The following NUP210 variants were observed in gnomAD, a reference collection of about 807,000 sequenced individuals.
The protein encoded by NUP210 is nucleoporin 210, also known as nuclear pore membrane glycoprotein 210.
A neutral mutation model predicts 196.0 loss-of-function variants in NUP210; 151 were observed. The ratio of observed to expected loss-of-function variants is 0.77; its 90% CI spans 0.67 to 0.88. The LOEUF is 0.88. Ranked by LOEUF, NUP210 falls within the 40% of genes least tolerant of loss-of-function variation. The pLI is 0.00. For synonymous variants in NUP210, 1,070 were observed against 1,052.7 expected (o/e 1.02, Z -0.32); for missense variants, 2,314 against 2,493.7 (o/e 0.93, Z 1.53).
intron 8 of NUP210, among the ~76,000 whole-genome samples, chr3:13,378,514 C>T (rs181881947): frequency 1.3e-5 from 2 of 152,310 alleles, no homozygotes; most frequent in Admixed American, 6.5e-5. Context: ...CATGTTCCTC[C>T]CCTCCCTGCT....
intron 13 of NUP210, among the ~76,000 whole-genome samples, chr3:13,370,562 T>C (rs527473636): frequency 6.6e-6 from 1 of 152,280 alleles, no homozygotes; most frequent in East Asian, 1.9e-4. Flanking sequence ...AGGACGGTTG[T>C]GGCAGGCAGT....
chr3:13,339,900 A>G lies in NUP210; in HGVS notation c.3425T>C (p.Val1142Ala). The G allele has an allele frequency of 6.2e-7, 1 of 1,614,004 alleles. No individual in the cohort carries two copies. Among genetic ancestry groups the G allele is most frequent in the Non-Finnish European group, 8.5e-7 (1 of 1,180,040 alleles). The part of the protein sequence containing the change: ...AIGNGTVSGL[V>A]QAVDAETGKV... Reference sequence around the variant, plus strand: ...GCCGGTCTCTGCATCCACTGCCTGCACGAGCCCAGACACAGTGCCGTTCCC... The same window carrying G: ...GCCGGTCTCTGCATCCACTGCCTGCGCGAGCCCAGACACAGTGCCGTTCCC... Residue 1142 changes from valine to alanine, a missense_variant, in exon 25 of 40, where the codon GTG (valine) becomes GCG (alanine). Physicochemically the swap from Val to Ala is moderately conservative, Grantham distance 64 (BLOSUM62 0). Coordinates refer to ENST00000254508, the MANE Select transcript of NUP210 (RefSeq NM_024923.4).
In NUP210 at chr3:13,330,933, T is replaced by C. The variant is rs555411244; in HGVS notation, c.3936-299A>G. Among the ~76,000 whole-genome samples, 32 of 152,330 alleles carry C rather than the reference T, an allele frequency of 2.1e-4. No individual in the cohort carries two copies. The South Asian group carries it at 6.2e-3, about 30-fold the overall frequency. ...GGGAGGGAGAGACTATGAGGGCAGT[T>C]TCTTTCATCAGCTCCATGGGACATC... On this transcript the variant is annotated intron_variant, in intron 29 of 39. Transcript: ENST00000254508.
chr3:13,409,961 C>T (rs11926015), intron 1 of NUP210, among the ~76,000 whole-genome samples: 33,420 of 151,242 alleles, frequency 0.22, 5,805 homozygotes, highest in African/African-American at 0.49. Flanking sequence ...CTCAGCCTCC[C>T]GAGCAGCTGG....
chr3:13,340,373 T>A lies in NUP210; in HGVS notation c.3229-75A>T. The A allele has an allele frequency of 7.5e-7, 1 of 1,331,082 alleles. No homozygotes were observed. Among genetic ancestry groups the A allele is most frequent in the Non-Finnish European group, 1.1e-6 (1 of 929,654 alleles). 82.5% of individuals were successfully genotyped at this position (1,331,082 alleles called of 1,614,324 possible). On this transcript the variant is annotated intron_variant, in intron 23 of 39. Transcript: ENST00000254508. This position sits in a 1 kb window ranked among gnomAD's most constrained non-coding sequence, Gnocchi z 4.0. ...CGCCAAGCATAACTCACACACTACA[T>A]GTTTCATGAGAGGAAAACCTGGGAC... is the stretch of plus-strand genomic sequence containing the variant.
At chr3:13,391,334 C>G (rs773842537) in intron 3 of NUP210, 27 bp from the exon 4 acceptor site, 7 of 1,491,440 alleles carry the variant, frequency 4.7e-6, no homozygotes, top group Non-Finnish European at 6.5e-6. Context: ...GAGAGGCAGA[C>G]AGATATGGAG....
chr3:13,393,680 A>G (rs1302388616), intron 3 of NUP210, among the ~76,000 whole-genome samples: 2 of 152,224 alleles, frequency 1.3e-5, no homozygotes, highest in African/African-American at 4.8e-5. Flanking sequence ...GGCCTGCTGC[A>G]GGTGGGCATC....
chr3:13,373,559 A>C (rs1042103321), intron 12 of NUP210, among the ~76,000 whole-genome samples, 159 bp downstream of exon 12: 8 of 152,146 alleles, frequency 5.3e-5, no homozygotes, highest in Non-Finnish European at 5.9e-5. Flanking sequence ...TCTTCCTGAC[A>C]TGGCCGTGAG....
intron 21 of NUP210, among the ~76,000 whole-genome samples, chr3:13,342,876 A>G (rs1697568966): frequency 6.6e-6 from 1 of 152,228 alleles, no homozygotes; most frequent in African/African-American, 2.4e-5. Context: ...TCGTTGGTTA[A>G]TAACCTACAC....
At chr3:13,380,802 A>G (rs1699074344) in intron 6 of NUP210, among the ~76,000 whole-genome samples, 1 of 152,220 alleles carries the variant, frequency 6.6e-6, no homozygotes, top group African/African-American at 2.4e-5. Context: ...ATCTCCAGGG[A>G]TTCTGATGAG....
Position 13,365,231 on chromosome 3 carries a change from CT to C in NUP210, c.1932+714del, listed in dbSNP as rs1176452004. On this transcript the variant is annotated intron_variant, in intron 14 of 39. Transcript: ENST00000254508. ...GTATAATAACTAACCCTTCCTGAGC[CT>C]GCACTACCCCCTAGACTGTGTTCTG... Among the ~76,000 whole-genome samples the C allele has an allele frequency of 2.6e-5, 4 of 152,368 alleles. No homozygotes were observed. In the South Asian group the frequency reaches 6.2e-4, roughly 24 times the overall value.
rs186934027 is a variant in NUP210, at chr3:13,375,577, G to A, written c.1358C>T (p.Pro453Leu). ...WNQQEVEIHI[P>L]ITLYPSILTF... ...CAAGATGCTGGGATACAGGGTGATC[G>A]GGATGTGAATTTCCACCTCCTGCTG... is the stretch of plus-strand genomic sequence containing the variant. The change falls in exon 11 of 40, where the codon CCG (proline) becomes CTG (leucine). Residue 453 changes from proline to leucine, a missense_variant. Coordinates refer to ENST00000254508, the MANE Select transcript of NUP210 (RefSeq NM_024923.4). 54 of 1,614,040 alleles carry A rather than the reference G, an allele frequency of 3.3e-5. No homozygotes were observed. Among genetic ancestry groups the A allele is most frequent in the Non-Finnish European group, 4.2e-5 (50 of 1,179,970 alleles).
chr3:13,409,589 C>T (rs1010348483), intron 1 of NUP210, among the ~76,000 whole-genome samples: 7 of 152,158 alleles, frequency 4.6e-5, no homozygotes, highest in Admixed American at 2.0e-4. Context: ...CCATTTGATA[C>T]ATGAGGAATC....
In NUP210 at chr3:13,378,706, C is replaced by T. The variant is rs572879692; in HGVS notation, c.1045+206G>A. On this transcript the variant is annotated intron_variant, in intron 8 of 39. Coordinates refer to ENST00000254508, the MANE Select transcript of NUP210 (RefSeq NM_024923.4). ...CTGTTTCTCTCCTTGCTGAGCCTGCCGCCTGCCTGGCTTGGCTCATTCTAC... is the reference window on the plus strand; with the variant it reads ...CTGTTTCTCTCCTTGCTGAGCCTGCTGCCTGCCTGGCTTGGCTCATTCTAC... 8.5e-5 allele frequency among the ~76,000 whole-genome samples: 13 copies of T among 152,350 alleles called. No individual in the cohort carries two copies. The South Asian group carries it at 2.3e-3, about 27-fold the overall frequency.
chr3:13,346,708 C>T (rs1051568921), intron 20 of NUP210, among the ~76,000 whole-genome samples: 1 of 152,168 alleles, frequency 6.6e-6, no homozygotes, highest in South Asian at 2.1e-4. Context: ...CGACAGGTGG[C>T]GACTGCAGGG....
intron 6 of NUP210, among the ~76,000 whole-genome samples, chr3:13,385,350 G>A (rs1042700148): frequency 6.6e-6 from 1 of 152,220 alleles, no homozygotes; most frequent in African/African-American, 2.4e-5. Flanking sequence ...GACTGGACCT[G>A]AGAGCTCTTA....
intron 29 of NUP210, among the ~76,000 whole-genome samples, chr3:13,331,016 C>G (rs775659429): frequency 2.0e-5 from 3 of 152,124 alleles, no homozygotes; most frequent in Non-Finnish European, 2.9e-5. Flanking sequence ...GCAAGGCATC[C>G]TGGCATAGTG....
chr3:13,335,856 C>A (rs1697196473), intron 27 of NUP210, among the ~76,000 whole-genome samples: 1 of 152,372 alleles, frequency 6.6e-6, no homozygotes, highest in African/African-American at 2.4e-5. Context: ...TGCACAGATG[C>A]ATTTGGAAAA....
At chr3:13,374,882 G>A (rs1158405913) in intron 11 of NUP210, among the ~76,000 whole-genome samples, 1 of 152,212 alleles carries the variant, frequency 6.6e-6, no homozygotes, top group Admixed American at 6.5e-5. Context: ...GGGACAGCAG[G>A]ACTGATGTGC....
Sources: allele counts gnomAD v4.1 joint callset (sites outside exome capture counted in the v4.1 genomes callset), GRCh38; gene constraint gnomAD v4.1.1; non-coding constraint Gnocchi (gnomAD v3.1); transcripts MANE v1.5; gene names NCBI Gene and HGNC (gene_info 2026-07-23, HGNC 2026-07-21).